OXSR1: variants seen among roughly 807,000 people sequenced by gnomAD.
OXSR1 encodes the protein serine/threonine-protein kinase OSR1.
In OXSR1, 24 loss-of-function variants were observed where a neutral mutation model predicts 79.8. The ratio of observed to expected loss-of-function variants is 0.30; its 90% CI spans 0.22 to 0.42. OXSR1 has a LOEUF of 0.42. OXSR1 is among the 10% of genes least tolerant of loss of function. The pLI, the probability that OXSR1 is intolerant of heterozygous loss-of-function variation, is 1.00. For synonymous variants in OXSR1, 226 were observed against 209.2 expected (o/e 1.08, Z -0.69); for missense variants, 430 against 618.4 (o/e 0.70, Z 3.23).
rs779063114 is a variant in OXSR1 at position 38,183,064 on chromosome 3, A to G, written c.132A>G (p.Ala44=). Residue 44 remains alanine, a synonymous_variant, in exon 2 of 18, where the codon GCA becomes GCG. Transcript: ENST00000311806. ...GTGCCCCTAAAAAGGAGAAAGTGGC[A>G]ATCAAACGGATAAACCTTGAGAAAT... The part of the protein sequence containing the change: ...AYCAPKKEKV[A]IKRINLEKCQ... The G allele has an allele frequency of 3.7e-6, 6 of 1,613,168 alleles. No homozygotes were observed. The highest frequency in any genetic ancestry group is 1.7e-5 in the Admixed American group (1 of 59,902).
chr3:38,209,883 A>G (rs1242408080), intron 4 of OXSR1, among the ~76,000 whole-genome samples: 4 of 152,220 alleles, frequency 2.6e-5, no homozygotes, highest in Non-Finnish European at 4.4e-5. Flanking sequence ...CAGCCTCCCA[A>G]AGTGCTGGGA....
At chr3:38,186,505 ACT>A in intron 2 of OXSR1, among the ~76,000 whole-genome samples, 1 of 152,268 alleles carries the variant, frequency 6.6e-6, no homozygotes, top group East Asian at 1.9e-4. Context: ...TCACTAATCT[ACT>A]GTCTGTCTGC....
chr3:38,184,305 G>A (rs1464322124), intron 2 of OXSR1, among the ~76,000 whole-genome samples: 1 of 152,176 alleles, frequency 6.6e-6, no homozygotes, highest in Non-Finnish European at 1.5e-5. Context: ...AGGAGCTGAA[G>A]GAGTGGGCTG....
chr3:38,177,427 C>T (rs1415420063), intron 1 of OXSR1, among the ~76,000 whole-genome samples: 2 of 152,202 alleles, frequency 1.3e-5, no homozygotes, highest in Non-Finnish European at 2.9e-5. Flanking sequence ...CAACTGCAAA[C>T]TATTTCAATA....
chr3:38,251,533 A>G, intron 16 of OXSR1, 62 bp downstream of exon 16: 1 of 1,349,158 alleles, frequency 7.4e-7, no homozygotes, highest in Non-Finnish European at 1.1e-6. Context: ...TAGTACATAG[A>G]AAAGCAGGTT....
intron 1 of OXSR1, among the ~76,000 whole-genome samples, chr3:38,171,669 T>A (rs528637456): frequency 6.6e-6 from 1 of 152,100 alleles, no homozygotes; most frequent in South Asian, 2.1e-4. Flanking sequence ...CAAAGGACTT[T>A]TTTTTTTTTT....
chr3:38,177,888 G>A (rs965118671), intron 1 of OXSR1, among the ~76,000 whole-genome samples: 1 of 151,830 alleles, frequency 6.6e-6, no homozygotes, highest in Non-Finnish European at 1.5e-5. Flanking sequence ...ACCCCCAGAA[G>A]TGTGTTCTTA....
chr3:38,236,644 A>G, intron 10 of OXSR1, 195 bp from the exon 11 acceptor site: 1 of 393,692 alleles, frequency 2.5e-6, no homozygotes, highest in South Asian at 8.2e-5. Flanking sequence ...AGCGGTTGTT[A>G]CTAAAGACAG....
intron 10 of OXSR1, among the ~76,000 whole-genome samples, chr3:38,233,378 G>A (rs921154567): frequency 1.3e-5 from 2 of 152,098 alleles, no homozygotes; most frequent in Non-Finnish European, 2.9e-5. Flanking sequence ...GGTGGGAAAT[G>A]CTCACCCACA....
At chr3:38,208,286 A>G (rs1575337220) in intron 4 of OXSR1, among the ~76,000 whole-genome samples, 2 of 152,076 alleles carry the variant, frequency 1.3e-5, no homozygotes, top group East Asian at 3.9e-4. Flanking sequence ...GGAAATTCAT[A>G]TTGTTTTAAG....
intron 14 of OXSR1, among the ~76,000 whole-genome samples, chr3:38,249,483 A>C (rs1014675202): frequency 2.6e-5 from 4 of 152,104 alleles, no homozygotes; most frequent in African/African-American, 9.7e-5. Flanking sequence ...TCTCTCATAT[A>C]TTCTTTGAAT....
intron 1 of OXSR1, among the ~76,000 whole-genome samples, chr3:38,181,130 TC>T (rs898235752): frequency 1.3e-5 from 2 of 151,608 alleles, no homozygotes; most frequent in South Asian, 2.1e-4. Flanking sequence ...TTTTTTTTTT[TC>T]CCTAGTCTGT....
chr3:38,226,544 C>T (rs990431031), intron 8 of OXSR1, among the ~76,000 whole-genome samples: 9 of 151,924 alleles, frequency 5.9e-5, no homozygotes, highest in African/African-American at 2.2e-4. Context: ...CTCCTCTACC[C>T]AATGACCAAG....
At position 38,230,246 on chromosome 3, in the gene OXSR1, C is replaced by G. The variant is rs1463363574; in HGVS notation, c.886-119C>G. On this transcript the variant is annotated intron_variant, in intron 9 of 17. Transcript: ENST00000311806. Reference sequence around the variant, plus strand: ...TCAGAGTGAAAGAATGAAAGTTTTTCTCACACTTCATTACAGAACAGTTAC... The same window carrying G: ...TCAGAGTGAAAGAATGAAAGTTTTTGTCACACTTCATTACAGAACAGTTAC... The G allele has an allele frequency of 4.3e-6, 3 of 694,960 alleles. No individual in the cohort carries two copies. In the East Asian group the frequency reaches 7.7e-5, roughly 18 times the overall value. 43.0% of individuals were successfully genotyped at this position (694,960 alleles called of 1,614,324 possible).
At chr3:38,232,974 A>G (rs906681178) in intron 10 of OXSR1, among the ~76,000 whole-genome samples, 1 of 152,194 alleles carries the variant, frequency 6.6e-6, no homozygotes, top group African/African-American at 2.4e-5. Flanking sequence ...AGGTAAGGGA[A>G]TTAATAGTGC....
At chr3:38,168,372 T>G (rs1701508640) in intron 1 of OXSR1, among the ~76,000 whole-genome samples, 1 of 152,202 alleles carries the variant, frequency 6.6e-6, no homozygotes, top group Admixed American at 6.5e-5. Context: ...ACCTCCAGCC[T>G]TAGACAACCA....
At chr3:38,224,004 G>C in intron 7 of OXSR1, 91 bp downstream of exon 7, 1 of 696,724 alleles carries the variant, frequency 1.4e-6, no homozygotes, top group Non-Finnish European at 2.4e-6. Context: ...TTTTATTGTG[G>C]TAAAATACAC....
intron 4 of OXSR1, among the ~76,000 whole-genome samples, chr3:38,200,821 A>C (rs1017489750): frequency 1.3e-5 from 2 of 152,236 alleles, no homozygotes; most frequent in Admixed American, 1.3e-4. Context: ...ACACATTTTG[A>C]AGAATCTTAA....
In OXSR1 at chr3:38,220,192, A is replaced by G. The variant is rs183919977; in HGVS notation, c.491-1386A>G. On this transcript the variant is annotated intron_variant, in intron 5 of 17. Transcript: ENST00000311806. ...TAAAACTGTACTATATAGACTTGCT[A>G]TTTTTAAACTGTACTGTATAGACAA... Among the ~76,000 whole-genome samples, 331 of 152,156 alleles carry G rather than the reference A, an allele frequency of 2.2e-3. 1 individual carries two copies. Among genetic ancestry groups the G allele is most frequent in the African/African-American group, 7.6e-3 (315 of 41,530 alleles).
Sources: gnomAD v4.1 joint callset for allele counts (sites outside exome capture counted in the v4.1 genomes callset) on GRCh38, gnomAD v4.1.1 for gene constraint, MANE v1.5 for transcripts, NCBI Gene and HGNC (gene_info 2026-07-23, HGNC 2026-07-21) for gene names.